GLG1: variants seen among roughly 807,000 people sequenced by gnomAD.
The protein encoded by GLG1 is golgi glycoprotein 1.
In GLG1, 38 loss-of-function variants were observed where a neutral mutation model predicts 160.5. That is an observed-to-expected ratio of 0.24 (90% CI 0.18 to 0.31). The LOEUF is 0.31. GLG1 is among the 10% of genes least tolerant of loss of function. The pLI is 1.00. For missense variants in GLG1, 1,373 were observed against 1,505.2 expected (o/e 0.91, Z 1.45); for synonymous variants, 644 against 543.4 (o/e 1.19, Z -2.57).
At chr16:74,558,594 T>C (rs1395442342) in intron 1 of GLG1, among the ~76,000 whole-genome samples, 1 of 152,258 alleles carries the variant, frequency 6.6e-6, no homozygotes, top group African/African-American at 2.4e-5. Flanking sequence ...TTTGTAAATT[T>C]CAGGACTTGA....
intron 1 of GLG1, among the ~76,000 whole-genome samples, chr16:74,602,555 G>A (rs79916107): frequency 4.6e-5 from 7 of 152,046 alleles, no homozygotes; most frequent in East Asian, 1.9e-4. Flanking sequence ...AGGCCGAGGC[G>A]GGCAGATCAC....
In GLG1 at chr16:74,451,029, G is replaced by C. The variant is rs1370454396; in HGVS notation, c.*2138C>G. 6.6e-6 allele frequency: 1 copy of C among 152,292 alleles called. No homozygotes were observed. The highest frequency in any genetic ancestry group is 1.9e-4 in the East Asian group (1 of 5,182). The allele number at this position is 152,292 out of a possible 1,614,324, so 9.4% of individuals were successfully genotyped here. On this transcript the variant is annotated 3_prime_UTR_variant, in exon 26 of 26. Transcript: ENST00000422840. ...TGCAGAGAGGAAGGATACCCCACCC[G>C]GTCAAACAGTGAACATCCATCCTAC...
At chr16:74,520,920 C>A (rs1054632328) in intron 2 of GLG1, among the ~76,000 whole-genome samples, 4 of 152,084 alleles carry the variant, frequency 2.6e-5, no homozygotes, top group Admixed American at 6.6e-5. Context: ...AAAAGGACAA[C>A]AGCCTTCAAG....
chr16:74,582,007 C>G (rs961697695), intron 1 of GLG1, among the ~76,000 whole-genome samples: 5 of 152,188 alleles, frequency 3.3e-5, no homozygotes, highest in Admixed American at 3.3e-4. Context: ...TCCTCTCTTG[C>G]GTAGCATTTT....
At chr16:74,518,083 C>T (rs1297091106) in intron 2 of GLG1, among the ~76,000 whole-genome samples, 3 of 152,222 alleles carry the variant, frequency 2.0e-5, no homozygotes, top group South Asian at 2.1e-4. Context: ...ATTCCATGCT[C>T]GTGGATAGAA....
chr16:74,467,844 T>C lies in GLG1; in HGVS notation c.2441A>G (p.Glu814Gly). ...QLRVEELEMT[E>G]DIRLEPDLYE... ...TAGATCTGGCTCCAAGCGGATGTCC[T>C]CCGTCTGCATGAGGGAGCCAGCATG... Residue 814 changes from glutamate to glycine, a missense_variant, in exon 18 of 26, where the codon GAG becomes GGG. Around this residue, in one of 4 missense-constraint regions of GLG1, gnomAD observed 491 missense variants for 632.1 expected, o/e 0.78. Coordinates refer to ENST00000422840, the MANE Select transcript of GLG1 (RefSeq NM_001145667.2). 1 of 1,608,054 alleles carries C rather than the reference T, an allele frequency of 6.2e-7. No homozygotes were observed. The highest frequency in any genetic ancestry group is 1.7e-4 in the Middle Eastern group (1 of 6,046).
At chr16:74,453,877 A>ATT (rs34556886) in intron 25 of GLG1, among the ~76,000 whole-genome samples, 6,302 of 144,244 alleles carry the variant, frequency 0.044, 328 homozygotes, top group African/African-American at 0.12. Flanking sequence ...TGTAAATTCT[A>ATT]TTTTTTTTTT....
chr16:74,477,447 C>A lies in GLG1; in HGVS notation c.1914G>T (p.Lys638Asn). The change falls in exon 12 of 26, where the codon AAG (lysine) becomes AAT (asparagine). Residue 638 changes from lysine to asparagine, a missense_variant. Lys to Asn is a moderately conservative substitution (Grantham distance 94, BLOSUM62 0). Transcript: ENST00000422840. ...DVKLDPALQD[K>N]CLIDLGKWCS... ...ACCATTTTCCCAGATCAATCAGGCA[C>A]TTATCCTGGAGGGCAGGATCCAGCT... 1 of 1,612,690 alleles carries A rather than the reference C, an allele frequency of 6.2e-7. No homozygotes were observed. Among genetic ancestry groups the A allele is most frequent in the Non-Finnish European group, 8.5e-7 (1 of 1,178,648 alleles).
At chr16:74,477,568 G>A (rs1384281181) in intron 11 of GLG1, 35 bp from the exon 12 acceptor site, 3 of 1,573,330 alleles carry the variant, frequency 1.9e-6, no homozygotes, top group Admixed American at 1.8e-5. Flanking sequence ...TACTTGAAAG[G>A]TAACAAAACA....
intron 4 of GLG1, among the ~76,000 whole-genome samples, chr16:74,497,105 C>T (rs189996971): frequency 9.2e-5 from 14 of 151,952 alleles, no homozygotes; most frequent in Admixed American, 3.3e-4. Context: ...ATGGTGAAGG[C>T]CCATCTGTAC....
At chr16:74,517,672 T>A (rs976667055) in intron 2 of GLG1, among the ~76,000 whole-genome samples, 5 of 152,206 alleles carry the variant, frequency 3.3e-5, no homozygotes, top group South Asian at 2.1e-4. Context: ...CCACTCCTAT[T>A]CAACATAGTA....
rs779592513 is a variant in GLG1 at position 74,477,426 on chromosome 16, T to C, written c.1935A>G (p.Lys645=). 6.2e-7 allele frequency: 1 copy of C among 1,610,502 alleles called. No individual in the cohort carries two copies. The highest frequency in any genetic ancestry group is 8.5e-7 in the Non-Finnish European group (1 of 1,176,698). ...CAGTCTCTGTTTTCTCACTGCACCA[T>C]TTTCCCAGATCAATCAGGCACTTAT... is the stretch of plus-strand genomic sequence containing the variant. ...LQDKCLIDLG[K]WCSEKTETGQ... The change falls in exon 12 of 26, where the codon AAA becomes AAG. Residue 645 remains lysine, a synonymous_variant. Transcript: ENST00000422840.
At chr16:74,545,307 AGT>A (rs2018016152) in intron 1 of GLG1, among the ~76,000 whole-genome samples, 1 of 152,060 alleles carries the variant, frequency 6.6e-6, no homozygotes, top group South Asian at 2.1e-4. Flanking sequence ...CAGCCTCCCT[AGT>A]AGTTGGGACT....
At position 74,472,209 on chromosome 16, in the gene GLG1, T is replaced by G; in HGVS notation, c.2115+140A>C. On this transcript the variant is annotated intron_variant, in intron 14 of 25. Coordinates refer to ENST00000422840, the MANE Select transcript of GLG1 (RefSeq NM_001145667.2). ...GTCACCACACCCGGCCTGTTTACAT[T>G]TTTAATTTTAACTTGTCAAAGCTGG... 3.1e-6 allele frequency: 2 copies of G among 652,010 alleles called. 1 individual carries two copies. Among genetic ancestry groups the G allele is most frequent in the South Asian group, 4.0e-5 (2 of 49,522 alleles). The allele number at this position is 652,010 out of a possible 1,614,324, so 40.4% of individuals were successfully genotyped here. A position where few individuals can be genotyped will look rare whatever the true frequency, so the allele number is the denominator to read the frequency against.
intron 1 of GLG1, among the ~76,000 whole-genome samples, chr16:74,569,049 G>A (rs2018743574): frequency 6.6e-6 from 1 of 152,206 alleles, no homozygotes. Flanking sequence ...GGCCGTGTGG[G>A]CAGAAACCAA....
intron 19 of GLG1, 53 bp downstream of exon 19, chr16:74,465,623 G>A (rs2014971763): frequency 6.3e-7 from 1 of 1,583,192 alleles, no homozygotes; most frequent in Non-Finnish European, 8.6e-7. Flanking sequence ...CATTGTTTGT[G>A]CTTTGTTGTT....
At position 74,459,738 on chromosome 16, in the gene GLG1, C is replaced by T; in HGVS notation, c.3088G>A (p.Val1030Met). The T allele has an allele frequency of 6.2e-7, 1 of 1,611,438 alleles. No individual in the cohort carries two copies. The change falls in exon 23 of 26, where the codon GTG becomes ATG. Residue 1030 changes from valine (V) to methionine (M), a missense_variant. This residue lies in a region of GLG1 where 491 missense variants were observed against 632.1 expected (regional missense o/e 0.78). Coordinates refer to ENST00000422840, the MANE Select transcript of GLG1 (RefSeq NM_001145667.2). ...EAAAQEQTGQ[V>M]EECLKVNLLK... ...AGGTTGACCTTGAGGCACTCCTCCA[C>T]CTGACCTGTCTGCTCTTGGGCTGCT...
intron 1 of GLG1, among the ~76,000 whole-genome samples, chr16:74,545,819 C>T (rs1284486935): frequency 3.3e-5 from 5 of 152,182 alleles, no homozygotes; most frequent in Admixed American, 6.5e-5. Context: ...ATGTTTCATG[C>T]CTACCACTTC....
chr16:74,516,080 A>G (rs1318018285), intron 2 of GLG1, among the ~76,000 whole-genome samples: 1 of 151,638 alleles, frequency 6.6e-6, no homozygotes, highest in Non-Finnish European at 1.5e-5. Flanking sequence ...CTACAAAGAG[A>G]CTTAGACTCT....
Sources: gnomAD v4.1 joint callset for allele counts (sites outside exome capture counted in the v4.1 genomes callset) on GRCh38, gnomAD v4.1.1 for gene constraint, gnomAD v4.1.1 regional missense constraint, MANE v1.5 for transcripts, NCBI Gene and HGNC (gene_info 2026-07-23, HGNC 2026-07-21) for gene names.